The following CELF2 variants were observed in gnomAD, a reference collection of about 807,000 sequenced individuals.
The protein encoded by CELF2 is CUGBP Elav-like family member 2.
Under a neutral mutation model 62.6 loss-of-function variants are expected in CELF2, and 8 were observed. That is an observed-to-expected ratio of 0.13 (90% CI 0.07 to 0.23). CELF2 has a LOEUF of 0.23. Among genes scored for constraint, CELF2 ranks in the 10% least tolerant of loss-of-function variants. The pLI is 1.00. For missense variants in CELF2, 333 were observed against 671.0 expected, an observed-to-expected ratio of 0.50 and a Z score of 5.56; for synonymous variants, 258 against 250.0, an observed-to-expected ratio of 1.03 and a Z score of -0.30.
At chr10:10,596,098 G>T in the CELF2 span, among the ~76,000 whole-genome samples, 2 of 152,094 alleles carry the variant, frequency 1.3e-5, no homozygotes. Flanking sequence ...TGTGGGCTAA[G>T]CCCCAGTTTG....
intron 1 of CELF2, among the ~76,000 whole-genome samples, chr10:11,102,401 T>G (rs892151175): frequency 6.6e-5 from 10 of 152,236 alleles, no homozygotes; most frequent in Non-Finnish European, 2.9e-5. Flanking sequence ...GTAACTTTAC[T>G]TTTCCTATAT....
chr10:10,664,148 A>G, the CELF2 span, among the ~76,000 whole-genome samples: 1 of 152,220 alleles, frequency 6.6e-6, no homozygotes, highest in South Asian at 2.1e-4. Context: ...GTCCTGGCAC[A>G]TCACAAGCTG....
intron 11 of CELF2, among the ~76,000 whole-genome samples, chr10:11,323,213 C>T (rs978776452): frequency 6.6e-6 from 1 of 152,026 alleles, no homozygotes; most frequent in Non-Finnish European, 1.5e-5. Context: ...ATAACCATTG[C>T]CCACTCCTGA....
intron 3 of CELF2, among the ~76,000 whole-genome samples, chr10:11,235,952 A>G (rs2071094806): frequency 6.6e-6 from 1 of 152,216 alleles, no homozygotes; most frequent in Non-Finnish European, 1.5e-5. Flanking sequence ...CATGGAGGTA[A>G]ATGAATGGAA....
intron 7 of CELF2, among the ~76,000 whole-genome samples, chr10:11,274,111 T>A (rs1438595549): frequency 4.6e-5 from 7 of 152,184 alleles, no homozygotes; most frequent in Non-Finnish European, 1.0e-4. Context: ...AGTAATAAAA[T>A]AAATGTGGTA....
rs1476059495 is a variant in CELF2, at chr10:11,306,650, T to C, written c.977-7489T>C. ...TGCCAGTTGGGGTGAATTTTCAAAGTATTGTCTGATGATGTAGAGTGCACA... is the reference window on the plus strand; with the variant it reads ...TGCCAGTTGGGGTGAATTTTCAAAGCATTGTCTGATGATGTAGAGTGCACA... On this transcript the variant is annotated intron_variant, in intron 9 of 12. Coordinates refer to ENST00000633077, the MANE Select transcript of CELF2 (RefSeq NM_001326342.2). This position sits in a 1 kb window ranked among gnomAD's most constrained non-coding sequence, Gnocchi z 4.4. Among the ~76,000 whole-genome samples, 1 of 152,206 alleles carries C rather than the reference T, an allele frequency of 6.6e-6. No homozygotes were observed. The highest frequency in any genetic ancestry group is 1.5e-5 in the Non-Finnish European group (1 of 68,042).
intron 1 of CELF2, among the ~76,000 whole-genome samples, chr10:11,053,429 T>C (rs936871086): frequency 9.9e-5 from 15 of 152,162 alleles, no homozygotes; most frequent in African/African-American, 3.1e-4. Context: ...TCAAACACAG[T>C]CATAATCAGT....
At chr10:10,698,063 T>C in the CELF2 span, among the ~76,000 whole-genome samples, 1,294 of 152,142 alleles carry the variant, frequency 8.5e-3, 7 homozygotes, top group African/African-American at 0.012. Flanking sequence ...CAAAGAAGAG[T>C]AGGTTTTAAC....
At chr10:10,862,574 G>A (rs1487811394) in intron 1 of CELF2, among the ~76,000 whole-genome samples, 1 of 152,212 alleles carries the variant, frequency 6.6e-6, no homozygotes, top group Non-Finnish European at 1.5e-5. Context: ...AGCCTCAGAA[G>A]TTATTCAACA....
At chr10:11,086,311 C>A (rs960428616) in intron 1 of CELF2, among the ~76,000 whole-genome samples, 2 of 151,922 alleles carry the variant, frequency 1.3e-5, no homozygotes, top group African/African-American at 4.8e-5. Flanking sequence ...TTTTTCCCTC[C>A]GCCTGGCCTG....
At chr10:10,631,432 G>A in the CELF2 span, among the ~76,000 whole-genome samples, 1 of 152,180 alleles carries the variant, frequency 6.6e-6, no homozygotes, top group Non-Finnish European at 1.5e-5. Context: ...GGTCATGACA[G>A]TTTGAAAAAT....
At chr10:11,286,057 T>G (rs1169726482) in intron 8 of CELF2, among the ~76,000 whole-genome samples, 1 of 152,144 alleles carries the variant, frequency 6.6e-6, no homozygotes, top group Non-Finnish European at 1.5e-5. Context: ...GCGTGTGCAT[T>G]AAATGTAAAC....
At position 11,269,668 on chromosome 10, in the gene CELF2, G is replaced by C. The variant is rs140721128; in HGVS notation, c.619-998G>C. Among the ~76,000 whole-genome samples the C allele has an allele frequency of 7.5e-4, 111 of 147,874 alleles. No individual in the cohort carries two copies. Among genetic ancestry groups the C allele is most frequent in the African/African-American group, 2.6e-3 (107 of 40,864 alleles). On this transcript the variant is annotated intron_variant, in intron 6 of 12. Coordinates refer to ENST00000633077, the MANE Select transcript of CELF2 (RefSeq NM_001326342.2). The surrounding 1 kb of genome is among the most constrained non-coding windows in gnomAD (Gnocchi z 4.4). ...CACACAAAGGAGGAGAAGAGGCTGG[G>C]GAAGGAGGGGGAGACTTCTGCTGAG...
At chr10:10,660,367 G>A in the CELF2 span, among the ~76,000 whole-genome samples, 6 of 152,298 alleles carry the variant, frequency 3.9e-5, no homozygotes, top group East Asian at 5.8e-4. Context: ...TGGAGCAAAG[G>A]TCTTAATTTT....
chr10:10,911,362 A>G (rs2063795302), intron 1 of CELF2, among the ~76,000 whole-genome samples: 1 of 152,222 alleles, frequency 6.6e-6, no homozygotes. Context: ...AAAATAATAC[A>G]AGTAAATTGT....
At chr10:11,327,584 C>G (rs1449611793) in intron 12 of CELF2, among the ~76,000 whole-genome samples, 1 of 152,164 alleles carries the variant, frequency 6.6e-6, no homozygotes, top group East Asian at 1.9e-4. Context: ...GTTTTGTTAT[C>G]CATCTCACCT....
intron 2 of CELF2, among the ~76,000 whole-genome samples, chr10:10,986,620 C>G (rs1000453125): frequency 3.9e-5 from 6 of 152,074 alleles, no homozygotes; most frequent in Non-Finnish European, 8.8e-5. Flanking sequence ...GAATACAGTT[C>G]CATTCATGTG....
At chr10:10,820,931 A>G (rs1161169113) in intron 1 of CELF2, among the ~76,000 whole-genome samples, 29 of 152,222 alleles carry the variant, frequency 1.9e-4, no homozygotes, top group Non-Finnish European at 1.3e-4. Flanking sequence ...CTCGGAGAGC[A>G]TTCTGGGGGT....
At position 11,211,805 on chromosome 10, in the gene CELF2, AGAGAGAGAGTGT is replaced by A. The variant is rs1273579081; in HGVS notation, c.272-5618_272-5607del. 2.5e-3 allele frequency among the ~76,000 whole-genome samples: 300 copies of A among 119,920 alleles called. No homozygotes were observed. Among genetic ancestry groups the A allele is most frequent in the Middle Eastern group, 4.3e-3 (1 of 234 alleles). The allele number at this position is 119,920 out of a possible 152,430, so 78.7% of individuals were successfully genotyped here. A position where few individuals can be genotyped will look rare whatever the true frequency, so the allele number is the denominator to read the frequency against. On this transcript the variant is annotated intron_variant, in intron 2 of 12. Transcript: ENST00000633077. The surrounding 1 kb of genome is among the most constrained non-coding windows in gnomAD (Gnocchi z 4.8). ...GTGTATGTGTGTGAGAGAGAGAGAG[AGAGAGAGAGTGT>A]GTGTGTGTGTGTGTGTGTGTGTGTG...
Sources: gnomAD v4.1 joint callset for allele counts (sites outside exome capture counted in the v4.1 genomes callset) on GRCh38, gnomAD v4.1.1 for gene constraint, Gnocchi (gnomAD v3.1) non-coding constraint, MANE v1.5 for transcripts, NCBI Gene and HGNC (gene_info 2026-07-23, HGNC 2026-07-21) for gene names.